The following THSD7A variants were observed in gnomAD, a reference collection of about 807,000 sequenced individuals.
The protein encoded by THSD7A is thrombospondin type 1 domain containing 7A, also known as thrombospondin type-1 domain-containing protein 7A.
THSD7A carries 96 observed loss-of-function variants against 231.3 expected under a neutral mutation model. The observed-to-expected ratio is 0.41, with a 90% CI of 0.35 to 0.49. THSD7A has a LOEUF of 0.49. Among genes scored for constraint, THSD7A ranks in the 20% least tolerant of loss-of-function variants. THSD7A has a pLI of 0.05. For synonymous variants in THSD7A, 940 were observed against 743.3 expected, an observed-to-expected ratio of 1.26 and a Z score of -4.30; for missense variants, 2,290 against 2,070.2, an observed-to-expected ratio of 1.11 and a Z score of -2.06.
intron 23 of THSD7A, among the ~76,000 whole-genome samples, chr7:11,401,476 G>A (rs973838270): frequency 2.0e-5 from 3 of 152,124 alleles, no homozygotes; most frequent in Non-Finnish European, 4.4e-5. Context: ...GAGTGCAGTG[G>A]TGCAATCTCG....
intron 6 of THSD7A, among the ~76,000 whole-genome samples, chr7:11,502,516 C>A (rs1286108048): frequency 6.6e-6 from 1 of 152,074 alleles, no homozygotes; most frequent in Non-Finnish European, 1.5e-5. Context: ...ATCATATAAA[C>A]AGAACTAAAG....
At chr7:11,492,887 C>G (rs1324382460) in intron 6 of THSD7A, among the ~76,000 whole-genome samples, 1 of 152,066 alleles carries the variant, frequency 6.6e-6, no homozygotes. Flanking sequence ...AAATCACAGT[C>G]TGACCCTTTA....
rs1038320473 is a variant in THSD7A at position 11,822,069 on chromosome 7, A to G, written c.190+9688T>C. Among the ~76,000 whole-genome samples, 12 of 152,156 alleles carry G rather than the reference A, an allele frequency of 7.9e-5. No individual in the cohort carries two copies. The South Asian group carries it at 1.0e-3, about 13-fold the overall frequency. ...AATATGCTATTATTTGTACAAATTT[A>G]TAGGGTACATGCGCAATTTTGTTAC... On this transcript the variant is annotated intron_variant, in intron 1 of 27. Transcript: ENST00000423059.
chr7:11,424,188 A>AT (rs896390178), intron 16 of THSD7A, among the ~76,000 whole-genome samples: 18 of 151,936 alleles, frequency 1.2e-4, no homozygotes, highest in African/African-American at 3.9e-4. Flanking sequence ...TTTAAACTTA[A>AT]TTTTTTTTAA....
intron 1 of THSD7A, among the ~76,000 whole-genome samples, chr7:11,748,651 T>C (rs1466107253): frequency 6.6e-6 from 1 of 151,966 alleles, no homozygotes; most frequent in Non-Finnish European, 1.5e-5. Context: ...TTCCAAACTA[T>C]GTACAAACTA....
chr7:11,693,550 T>C (rs1451136187), intron 1 of THSD7A, among the ~76,000 whole-genome samples: 1 of 151,542 alleles, frequency 6.6e-6, no homozygotes. Flanking sequence ...CCAGTCAGAA[T>C]AGTAAAGTTA....
chr7:11,678,052 G>T (rs141935258), intron 1 of THSD7A, among the ~76,000 whole-genome samples: 1 of 152,038 alleles, frequency 6.6e-6, no homozygotes, highest in Admixed American at 6.6e-5. Flanking sequence ...ACTCAAAAAC[G>T]CAAAACTACA....
At chr7:11,644,855 A>G (rs965241485) in intron 1 of THSD7A, among the ~76,000 whole-genome samples, 1 of 151,970 alleles carries the variant, frequency 6.6e-6, no homozygotes, top group Admixed American at 6.6e-5. Context: ...GCTAAGTACC[A>G]ATAGTATGAG....
Position 11,370,850 on chromosome 7 carries a change from A to T in THSD7A, c.*4944T>A, listed in dbSNP as rs1167744536. On this transcript the variant is annotated 3_prime_UTR_variant, in exon 28 of 28. Transcript: ENST00000423059. ...ATCTCTTCAAATCTGTGTGATAGAA[A>T]TGGAGAAAAAAAGTACCAGAAAAGG... The T allele has an allele frequency of 6.6e-6, 1 of 152,208 alleles. No individual in the cohort carries two copies. The highest frequency in any genetic ancestry group is 1.5e-5 in the Non-Finnish European group (1 of 68,018). The allele number at this position is 152,208 out of a possible 1,614,324, so 9.4% of individuals were successfully genotyped here.
intron 23 of THSD7A, among the ~76,000 whole-genome samples, chr7:11,401,227 C>G (rs188441903): frequency 1.3e-5 from 2 of 152,062 alleles, no homozygotes; most frequent in Admixed American, 6.6e-5. Flanking sequence ...TTGTTATAAG[C>G]GTACAAATAA....
At chr7:11,652,613 G>A (rs1378259455) in intron 1 of THSD7A, among the ~76,000 whole-genome samples, 3 of 151,792 alleles carry the variant, frequency 2.0e-5, no homozygotes, top group African/African-American at 4.8e-5. Flanking sequence ...ATTCTTTAAT[G>A]TATCAAAATT....
At chr7:11,772,998 A>G (rs901564546) in intron 1 of THSD7A, among the ~76,000 whole-genome samples, 6 of 152,214 alleles carry the variant, frequency 3.9e-5, no homozygotes, top group African/African-American at 1.4e-4. Flanking sequence ...AGTGATTAAC[A>G]CTGATAGTCA....
chr7:11,726,127 A>G (rs1562508054), intron 1 of THSD7A, among the ~76,000 whole-genome samples: 1 of 152,056 alleles, frequency 6.6e-6, no homozygotes, highest in Non-Finnish European at 1.5e-5. Flanking sequence ...CTAAATTTAA[A>G]AGGAGTTTGA....
chr7:11,761,075 C>T lies in THSD7A; in HGVS notation c.190+70682G>A, dbSNP rs534875364. On this transcript the variant is annotated intron_variant, in intron 1 of 27. Transcript: ENST00000423059. ...AACCCAAAAGTATAAATATGTAAAA[C>T]AAACAAAAAATTTTTAGAACAGCCC... Among the ~76,000 whole-genome samples the T allele has an allele frequency of 4.5e-3, 682 of 151,062 alleles. 6 individuals are homozygous for T. The highest frequency in any genetic ancestry group is 0.015 in the African/African-American group (627 of 41,324).
At chr7:11,492,020 T>C (rs780996143) in intron 6 of THSD7A, among the ~76,000 whole-genome samples, 24 of 152,184 alleles carry the variant, frequency 1.6e-4, no homozygotes, top group Non-Finnish European at 2.5e-4. Flanking sequence ...CCAGCCACAC[T>C]GCTGTGACTA....
intron 6 of THSD7A, among the ~76,000 whole-genome samples, chr7:11,490,232 A>G (rs558056188): frequency 6.6e-6 from 1 of 152,204 alleles, no homozygotes; most frequent in Non-Finnish European, 1.5e-5. Context: ...CGGAGATAGA[A>G]CCCATTTTAA....
chr7:11,542,627 G>A (rs544505662), intron 5 of THSD7A, among the ~76,000 whole-genome samples: 1 of 152,170 alleles, frequency 6.6e-6, no homozygotes, highest in Non-Finnish European at 1.5e-5. Flanking sequence ...GGGGACAAAG[G>A]TTTAGATATG....
At position 11,607,132 on chromosome 7, in the gene THSD7A, T is replaced by C. The variant is rs531353193; in HGVS notation, c.1023-13630A>G. Among the ~76,000 whole-genome samples the C allele has an allele frequency of 9.9e-5, 15 of 152,244 alleles. No homozygotes were observed. The South Asian group carries it at 2.5e-3, about 25-fold the overall frequency. On this transcript the variant is annotated intron_variant, in intron 2 of 27. Coordinates refer to ENST00000423059, the MANE Select transcript of THSD7A (RefSeq NM_015204.3). ...GTCTGTAGTCCCAACTCTTATGCTT[T>C]CATGTAAAAAGATTATATTTAAAAT...
rs572185025 is a variant in THSD7A at position 11,744,677 on chromosome 7, G to A, written c.190+87080C>T. ...CTCATTGTTCAATTCCCACCTATGA[G>A]TGAGAACATGCGGTGTTTGGTTTTG... On this transcript the variant is annotated intron_variant, in intron 1 of 27. Transcript: ENST00000423059. Among the ~76,000 whole-genome samples, 4 of 143,890 alleles carry A rather than the reference G, an allele frequency of 2.8e-5. No individual in the cohort carries two copies. The East Asian group carries it at 8.5e-4, about 30-fold the overall frequency. The allele number at this position is 143,890 out of a possible 152,430, so 94.4% of individuals were successfully genotyped here. A position where few individuals can be genotyped will look rare whatever the true frequency, so the allele number is the denominator to read the frequency against.
Sources: gnomAD v4.1 joint callset for allele counts (sites outside exome capture counted in the v4.1 genomes callset) on GRCh38, gnomAD v4.1.1 for gene constraint, MANE v1.5 for transcripts, NCBI Gene and HGNC (gene_info 2026-07-23, HGNC 2026-07-21) for gene names.